AGBL1: variants seen among roughly 807,000 people sequenced by gnomAD.
AGBL1 encodes cytosolic carboxypeptidase 4.
AGBL1 carries 130 observed loss-of-function variants against 118.9 expected under a neutral mutation model. The ratio of observed to expected loss-of-function variants is 1.09; its 90% CI spans 0.95 to 1.26. The LOEUF (loss-of-function observed/expected upper bound fraction) is 1.26, where lower values mean the gene tolerates loss of function less well. AGBL1 is among the 50% of genes most tolerant of loss of function. The pLI, the probability that AGBL1 is intolerant of heterozygous loss-of-function variation, is 0.00. For missense variants in AGBL1, 1,584 were observed against 1,298.1 expected, an observed-to-expected ratio of 1.22 and a Z score of -3.38; for synonymous variants, 555 against 478.9, an observed-to-expected ratio of 1.16 and a Z score of -2.08.
At chr15:86,661,495 C>T (rs533272853) in intron 21 of AGBL1, among the ~76,000 whole-genome samples, 2 of 151,802 alleles carry the variant, frequency 1.3e-5, no homozygotes, top group South Asian at 2.1e-4. Context: ...GATGCTAACC[C>T]AGTCCAGTTA....
At chr15:86,645,039 A>G (rs1053794581) in intron 21 of AGBL1, among the ~76,000 whole-genome samples, 1 of 151,998 alleles carries the variant, frequency 6.6e-6, no homozygotes, top group Non-Finnish European at 1.5e-5. Context: ...CAAACAAACA[A>G]AAAACAAAAA....
chr15:86,877,063 T>C (rs764040554), intron 22 of AGBL1, among the ~76,000 whole-genome samples: 2 of 152,212 alleles, frequency 1.3e-5, no homozygotes, highest in Non-Finnish European at 2.9e-5. Flanking sequence ...CTGCACTTAA[T>C]GAGCTCTCTT....
chr15:86,740,792 A>T (rs1234286969), intron 22 of AGBL1, among the ~76,000 whole-genome samples: 1 of 152,150 alleles, frequency 6.6e-6, no homozygotes, highest in Non-Finnish European at 1.5e-5. Flanking sequence ...CCCAAGTAAA[A>T]ATCAAGTTTT....
At chr15:86,146,813 G>T (rs1387253967) in intron 3 of AGBL1, among the ~76,000 whole-genome samples, 1 of 152,164 alleles carries the variant, frequency 6.6e-6, no homozygotes, top group Non-Finnish European at 1.5e-5. Flanking sequence ...CTGATGAAGG[G>T]AATGGGTTAT....
chr15:86,295,076 A>G (rs1454274464), intron 16 of AGBL1, among the ~76,000 whole-genome samples, 179 bp from the exon 17 acceptor site: 4 of 152,186 alleles, frequency 2.6e-5, no homozygotes, highest in African/African-American at 9.7e-5. Flanking sequence ...GCTCAGTCTC[A>G]CTGAGTTTCT....
At position 86,397,415 on chromosome 15, in the gene AGBL1, C is replaced by T; in HGVS notation, c.2424C>T (p.Ser808=). 1 of 1,612,912 alleles carries T rather than the reference C, an allele frequency of 6.2e-7. No homozygotes were observed. The highest frequency in any genetic ancestry group is 8.5e-7 in the Non-Finnish European group (1 of 1,179,232). The change falls in exon 18 of 23, where the codon AGC becomes AGT. Residue 808 remains serine, a synonymous_variant. Coordinates refer to ENST00000614907, the MANE Select transcript of AGBL1 (RefSeq NM_001386094.1). ...VITARVHPGE[S]NASWVMKGTL... is the part of the protein sequence containing the mutation. The stretch of plus-strand genomic sequence containing the variant: ...CTGCTCGAGTTCATCCAGGAGAGAG[C>T]AATGCCAGTTGGGTGATGAAGGGTA...
At chr15:86,697,420 A>C (rs567475073) in intron 22 of AGBL1, among the ~76,000 whole-genome samples, 58 of 151,144 alleles carry the variant, frequency 3.8e-4, no homozygotes, top group Non-Finnish European at 6.4e-4. Context: ...CGTTTCTCTA[A>C]GTGTGTTCTT....
intron 23 of AGBL1, among the ~76,000 whole-genome samples, chr15:86,959,460 T>C (rs1371473539): frequency 6.6e-6 from 1 of 152,072 alleles, no homozygotes; most frequent in African/African-American, 2.4e-5. Context: ...ATTTCTAATA[T>C]GGACTGACTT....
At chr15:86,715,466 TAACTG>T (rs1446483210) in intron 22 of AGBL1, among the ~76,000 whole-genome samples, 1 of 149,054 alleles carries the variant, frequency 6.7e-6, no homozygotes, top group African/African-American at 2.6e-5. Context: ...TTTTAACTCA[TAACTG>T]AACTGATCCC....
chr15:86,713,935 G>A (rs1318104014), intron 22 of AGBL1, among the ~76,000 whole-genome samples: 1 of 152,208 alleles, frequency 6.6e-6, no homozygotes, highest in African/African-American at 2.4e-5. Context: ...GTGAAATTAT[G>A]CCATGCATGA....
chr15:86,601,326 T>A (rs1214785828), intron 21 of AGBL1, among the ~76,000 whole-genome samples: 1 of 152,194 alleles, frequency 6.6e-6, no homozygotes, highest in Non-Finnish European at 1.5e-5. Flanking sequence ...AATACATTAT[T>A]TGACTTTGTT....
intron 7 of AGBL1, among the ~76,000 whole-genome samples, chr15:86,253,685 G>T (rs1159589081): frequency 3.3e-5 from 5 of 152,190 alleles, no homozygotes; most frequent in African/African-American, 1.2e-4. Flanking sequence ...GCAGGAGACT[G>T]ACCCGATACA....
intron 21 of AGBL1, among the ~76,000 whole-genome samples, chr15:86,588,410 C>A (rs1213905724): frequency 2.0e-5 from 3 of 152,198 alleles, no homozygotes; most frequent in African/African-American, 7.2e-5. Context: ...CTCCCCACTC[C>A]TGCCCCTACC....
intron 22 of AGBL1, among the ~76,000 whole-genome samples, chr15:86,726,473 C>T (rs1330704544): frequency 1.3e-5 from 2 of 152,100 alleles, no homozygotes; most frequent in Non-Finnish European, 2.9e-5. Context: ...GCAATTGTAA[C>T]CAATAGATGA....
chr15:86,686,690 G>A (rs1487831487), intron 22 of AGBL1, among the ~76,000 whole-genome samples: 1 of 151,960 alleles, frequency 6.6e-6, no homozygotes, highest in Non-Finnish European at 1.5e-5. Context: ...GCCTGCCTTG[G>A]CCTCCCAAAG....
At chr15:86,321,417 A>G (rs896437028) in intron 17 of AGBL1, among the ~76,000 whole-genome samples, 3 of 151,934 alleles carry the variant, frequency 2.0e-5, no homozygotes, top group African/African-American at 4.8e-5. Context: ...TTGTGTAATT[A>G]TGTCCTTATT....
chr15:86,680,773 G>A (rs2085939866), intron 22 of AGBL1, among the ~76,000 whole-genome samples: 1 of 151,402 alleles, frequency 6.6e-6, no homozygotes. Flanking sequence ...CACCATGTTG[G>A]CCAGGTTGGT....
intron 22 of AGBL1, among the ~76,000 whole-genome samples, chr15:86,732,239 TTA>T (rs1168083837): frequency 6.6e-6 from 1 of 152,228 alleles, no homozygotes; most frequent in Admixed American, 6.5e-5. Context: ...ATAATTTCAT[TTA>T]TTCAAATGAT....
intron 15 of AGBL1, among the ~76,000 whole-genome samples, chr15:86,272,304 A>G (rs1487640675): frequency 6.6e-6 from 1 of 152,224 alleles, no homozygotes; most frequent in Non-Finnish European, 1.5e-5. Context: ...TGATGAAAGA[A>G]ATGCATTCCA....
Sources: allele counts gnomAD v4.1 joint callset (sites outside exome capture counted in the v4.1 genomes callset), GRCh38; gene constraint gnomAD v4.1.1; transcripts MANE v1.5; gene names NCBI Gene and HGNC (gene_info 2026-07-23, HGNC 2026-07-21).